Variants in RBMS2 observed in about 807,000 individuals in gnomAD.
RBMS2 encodes the protein RNA-binding motif, single-stranded-interacting protein 2.
RBMS2 carries 38 observed loss-of-function variants against 58.4 expected under a neutral mutation model. The ratio of observed to expected loss-of-function variants is 0.65; its 90% CI spans 0.50 to 0.85. The LOEUF (loss-of-function observed/expected upper bound fraction) is 0.85. Among genes scored for constraint, RBMS2 ranks in the 40% least tolerant of loss-of-function variants. The probability of loss-of-function intolerance (pLI) is 0.00; values close to 1 mark genes in which losing one functional copy is unlikely to be tolerated. For missense variants in RBMS2, 367 were observed against 503.7 expected (o/e 0.73, Z 2.60); for synonymous variants, 151 against 180.7 (o/e 0.84, Z 1.32).
chr12:56,549,285 G>A (rs1203535449), intron 1 of RBMS2, among the ~76,000 whole-genome samples: 1 of 151,972 alleles, frequency 6.6e-6, no homozygotes. Flanking sequence ...TTGAGCCACT[G>A]GGCCGGGCCA....
intron 5 of RBMS2, among the ~76,000 whole-genome samples, chr12:56,572,288 C>CA (rs34385329): frequency 0.03 from 2,203 of 72,266 alleles, 73 homozygotes; most frequent in East Asian, 0.21. Context: ...GACTCTGTCT[C>CA]AAAAAAAAAA....
intron 12 of RBMS2, 93 bp from the exon 13 acceptor site, chr12:56,588,839 G>A: frequency 1.7e-6 from 2 of 1,188,418 alleles, no homozygotes; most frequent in Non-Finnish European, 2.5e-6. Context: ...GTTTGGGAGG[G>A]CACTCGATGT....
intron 1 of RBMS2, 128 bp downstream of exon 1, chr12:56,522,217 G>A: frequency 1.4e-6 from 1 of 707,468 alleles, no homozygotes. Flanking sequence ...ATTCCTCACC[G>A]CGCTTCTCCC....
At chr12:56,534,127 G>GA (rs1029675638) in intron 1 of RBMS2, among the ~76,000 whole-genome samples, 28 of 151,834 alleles carry the variant, frequency 1.8e-4, no homozygotes, top group African/African-American at 6.8e-4. Context: ...TTTTGTTTTT[G>GA]TTTTTTTACC....
intron 5 of RBMS2, among the ~76,000 whole-genome samples, chr12:56,577,952 T>C (rs1883381095): frequency 6.6e-6 from 1 of 151,142 alleles, no homozygotes; most frequent in Non-Finnish European, 1.5e-5. Flanking sequence ...CCTCCCAGAG[T>C]GCTAGGATTA....
At chr12:56,564,252 GAGA>G (rs1229109860) in intron 2 of RBMS2, among the ~76,000 whole-genome samples, 1 of 151,780 alleles carries the variant, frequency 6.6e-6, no homozygotes, top group African/African-American at 2.4e-5. Flanking sequence ...GCCTCGCTCA[GAGA>G]AGAATCTTGA....
intron 1 of RBMS2, among the ~76,000 whole-genome samples, chr12:56,549,475 T>C (rs554979877): frequency 2.0e-5 from 3 of 152,146 alleles, no homozygotes; most frequent in African/African-American, 7.2e-5. Context: ...GGAAGGACAC[T>C]CTCTTTTCTC....
chr12:56,571,365 C>G (rs1329115282), intron 4 of RBMS2, among the ~76,000 whole-genome samples: 1 of 152,122 alleles, frequency 6.6e-6, no homozygotes, highest in Non-Finnish European at 1.5e-5. Context: ...AGCCAAGGAG[C>G]AAGGCAGTCT....
Position 56,524,876 on chromosome 12 carries a change from C to T in RBMS2, c.66+2787C>T, listed in dbSNP as rs146631145. Among the ~76,000 whole-genome samples, 111 of 151,966 alleles carry T rather than the reference C, an allele frequency of 7.3e-4. No homozygotes were observed. The East Asian group carries it at 0.015, about 20-fold the overall frequency. On this transcript the variant is annotated intron_variant, in intron 1 of 13. Coordinates refer to ENST00000262031, the MANE Select transcript of RBMS2 (RefSeq NM_002898.4). ...TTGGGATTACAGGTGCCCGCCACCA[C>T]GCCCAGCTAATTTTTTTGTATTTTT... is the stretch of plus-strand genomic sequence containing the variant.
chr12:56,587,792 A>G (rs971904068), intron 11 of RBMS2, 128 bp downstream of exon 11: 13 of 1,337,620 alleles, frequency 9.7e-6, no homozygotes, highest in Non-Finnish European at 1.3e-5. Flanking sequence ...CACACTCAGA[A>G]CAGGACATAA....
At chr12:56,540,399 G>A (rs1156463463) in intron 1 of RBMS2, among the ~76,000 whole-genome samples, 1 of 151,980 alleles carries the variant, frequency 6.6e-6, no homozygotes, top group Non-Finnish European at 1.5e-5. Context: ...TGCAAAAGGG[G>A]ATCTCACTTT....
intron 4 of RBMS2, among the ~76,000 whole-genome samples, chr12:56,570,359 A>G (rs1171393290): frequency 6.6e-6 from 1 of 152,182 alleles, no homozygotes; most frequent in Non-Finnish European, 1.5e-5. Flanking sequence ...TGTGCAACTC[A>G]GAATTTCAGA....
chr12:56,583,159 T>C (rs1357070357), intron 9 of RBMS2, among the ~76,000 whole-genome samples: 1 of 152,254 alleles, frequency 6.6e-6, no homozygotes, highest in East Asian at 1.9e-4. Flanking sequence ...CCTTGTGCTA[T>C]ATTTTTATAT....
intron 1 of RBMS2, among the ~76,000 whole-genome samples, chr12:56,554,554 G>C (rs760314373): frequency 2.0e-5 from 3 of 152,058 alleles, no homozygotes; most frequent in African/African-American, 4.8e-5. Context: ...CATAGACATA[G>C]AGAGGGGAAC....
Position 56,596,092 on chromosome 12 carries a change from A to G in RBMS2, c.*6959A>G. ...ATTGGTCCTAAAAATATAGAAAGAA[A>G]TAAATTTAAATTCACAAAAAACTGT... On this transcript the variant is annotated 3_prime_UTR_variant, in exon 14 of 14. Coordinates refer to ENST00000262031, the MANE Select transcript of RBMS2 (RefSeq NM_002898.4). The G allele has an allele frequency of 6.5e-6, 1 of 152,724 alleles. No homozygotes were observed. The highest frequency in any genetic ancestry group is 2.1e-4 in the South Asian group (1 of 4,838). 9.5% of individuals were successfully genotyped at this position (152,724 alleles called of 1,614,324 possible).
chr12:56,535,410 A>G (rs1420254624), intron 1 of RBMS2, among the ~76,000 whole-genome samples: 1 of 149,526 alleles, frequency 6.7e-6, no homozygotes, highest in Non-Finnish European at 1.5e-5. Context: ...TGGAAGGATC[A>G]CTTGAACCCA....
rs575006953 is a variant in RBMS2 at position 56,579,475 on chromosome 12, CA to C, written c.543-1701del. Among the ~76,000 whole-genome samples, 3 of 151,250 alleles carry C rather than the reference CA, an allele frequency of 2.0e-5. No individual in the cohort carries two copies. The South Asian group carries it at 6.3e-4, about 32-fold the overall frequency. On this transcript the variant is annotated intron_variant, in intron 5 of 13. Coordinates refer to ENST00000262031, the MANE Select transcript of RBMS2 (RefSeq NM_002898.4). The stretch of plus-strand genomic sequence containing the variant: ...GAAACCCCGTCTCTACTAAAAATAC[CA>C]AAAAAAATTAGCCGGGTGTGGTGGC...
rs1414664990 is a variant in RBMS2, at chr12:56,595,053, G to C, written c.*5920G>C. On this transcript the variant is annotated 3_prime_UTR_variant, in exon 14 of 14. Transcript: ENST00000262031. The stretch of plus-strand genomic sequence containing the variant: ...CTCCAGATAGGTCCTGCTGTGATAG[G>C]CCAGGGGAGTAGGCTGTGCAGTGAC... 6.6e-6 allele frequency: 1 copy of C among 152,280 alleles called. No individual in the cohort carries two copies. The highest frequency in any genetic ancestry group is 1.9e-4 in the East Asian group (1 of 5,202). 9.4% of individuals were successfully genotyped at this position (152,280 alleles called of 1,614,324 possible).
Position 56,590,295 on chromosome 12 carries a change from G to A in RBMS2, c.*1162G>A, listed in dbSNP as rs759278116. ...GAATCCACATAGGCTCCTTCCACAC[G>A]GTGGAAGATCTGCTGCTTCACTCAC... On this transcript the variant is annotated 3_prime_UTR_variant, in exon 14 of 14. Coordinates refer to ENST00000262031, the MANE Select transcript of RBMS2 (RefSeq NM_002898.4). 2.0e-5 allele frequency: 3 copies of A among 152,270 alleles called. No individual in the cohort carries two copies. The highest frequency in any genetic ancestry group is 2.1e-4 in the South Asian group (1 of 4,820). 9.4% of individuals were successfully genotyped at this position (152,270 alleles called of 1,614,324 possible). A position where few individuals can be genotyped will look rare whatever the true frequency, so the allele number is the denominator to read the frequency against.
Sources: gnomAD v4.1 joint callset for allele counts (sites outside exome capture counted in the v4.1 genomes callset) on GRCh38, gnomAD v4.1.1 for gene constraint, MANE v1.5 for transcripts, NCBI Gene and HGNC (gene_info 2026-07-23, HGNC 2026-07-21) for gene names.